The following PBRM1 variants were observed in gnomAD, a reference collection of about 807,000 sequenced individuals.
PBRM1 encodes protein polybromo-1.
Under a neutral mutation model 194.5 loss-of-function variants are expected in PBRM1, and 27 were observed. That is an observed-to-expected ratio of 0.14 (90% CI 0.10 to 0.19). PBRM1 has a LOEUF of 0.19. PBRM1 is among the 10% of genes least tolerant of loss of function. PBRM1 has a pLI of 1.00. For synonymous variants in PBRM1, 655 were observed against 693.2 expected (o/e 0.94, Z 0.87); for missense variants, 1,466 against 2,077.2 (o/e 0.71, Z 5.72).
chr3:52,609,235 C>T lies in PBRM1; in HGVS notation c.2567+78G>A. On this transcript the variant is annotated intron_variant, in intron 16 of 29. Coordinates refer to ENST00000296302, the Ensembl canonical transcript of PBRM1. The surrounding 1 kb of genome is among the most constrained non-coding windows in gnomAD (Gnocchi z 4.1). Reference sequence around the variant, plus strand: ...ATCATGTATGTAAGTGGAAATAGTACATCAAAGCAATATTCTTTCATCTGT... The same window carrying T: ...ATCATGTATGTAAGTGGAAATAGTATATCAAAGCAATATTCTTTCATCTGT... 4 of 1,135,898 alleles carry T rather than the reference C, an allele frequency of 3.5e-6. No individual in the cohort carries two copies. The highest frequency in any genetic ancestry group is 3.8e-6 in the Non-Finnish European group (3 of 782,570). The allele number at this position is 1,135,898 out of a possible 1,614,324, so 70.4% of individuals were successfully genotyped here.
At chr3:52,587,896 A>G (rs1291432959) in intron 18 of PBRM1, among the ~76,000 whole-genome samples, 1 of 150,942 alleles carries the variant, frequency 6.6e-6, no homozygotes, top group Non-Finnish European at 1.5e-5. Flanking sequence ...CCCCCCTCAT[A>G]TATATATATA....
chr3:52,563,616 G>C, intron 23 of PBRM1, 123 bp from the exon 26 acceptor site: 5 of 658,624 alleles, frequency 7.6e-6, no homozygotes, highest in Non-Finnish European at 1.3e-5. Flanking sequence ...TGCTCTAAAG[G>C]CAGCATGGAA....
At chr3:52,610,219 A>G (rs2094538604) in intron 15 of PBRM1, among the ~76,000 whole-genome samples, 1 of 152,238 alleles carries the variant, frequency 6.6e-6, no homozygotes, top group South Asian at 2.1e-4. Context: ...TAGCTATGTG[A>G]CATTCTATCA....
At chr3:52,588,965 G>T (rs760502768) in intron 18 of PBRM1, 105 bp downstream of exon 20, 1 of 745,986 alleles carries the variant, frequency 1.3e-6, no homozygotes, top group Non-Finnish European at 2.3e-6. Flanking sequence ...CAATTATTAT[G>T]GAAAGGCTTA....
At chr3:52,639,193 C>T (rs2095965315) in intron 10 of PBRM1, among the ~76,000 whole-genome samples, 1 of 152,052 alleles carries the variant, frequency 6.6e-6, no homozygotes, top group African/African-American at 2.4e-5. Flanking sequence ...CCAGGATGGT[C>T]TCGAACTCCC....
chr3:52,619,514 A>C (rs1022296430), intron 13 of PBRM1, among the ~76,000 whole-genome samples: 5 of 152,306 alleles, frequency 3.3e-5, no homozygotes, highest in African/African-American at 1.2e-4. Context: ...TTTTTTTTCT[A>C]TCCATAGTTG....
intron 13 of PBRM1, among the ~76,000 whole-genome samples, chr3:52,622,237 C>T (rs142917504): frequency 0.039 from 5,987 of 151,902 alleles, 398 homozygotes; most frequent in African/African-American, 0.13. Context: ...ACTTAGGAGG[C>T]TGAGGTAGGG....
Position 52,609,176 on chromosome 3 carries a change from AT to A in PBRM1, c.2567+136del. On this transcript the variant is annotated intron_variant, in intron 16 of 29. Transcript: ENST00000296302. The surrounding 1 kb of genome is among the most constrained non-coding windows in gnomAD (Gnocchi z 4.1). ...ACTCACTCTTAAGAAGTTCTGGCTGATTAGAATTCAGAATAGCATGCTACCA... is the reference window on the plus strand; with the variant it reads ...ACTCACTCTTAAGAAGTTCTGGCTGATAGAATTCAGAATAGCATGCTACCA... 1.4e-6 allele frequency: 1 copy of A among 697,444 alleles called. No individual in the cohort carries two copies. Among genetic ancestry groups the A allele is most frequent in the African/African-American group, 1.8e-5 (1 of 55,680 alleles). The allele number at this position is 697,444 out of a possible 1,614,324, so 43.2% of individuals were successfully genotyped here. A position where few individuals can be genotyped will look rare whatever the true frequency, so the allele number is the denominator to read the frequency against.
At chr3:52,591,809 C>T (rs541098548) in intron 17 of PBRM1, among the ~76,000 whole-genome samples, 9 of 142,280 alleles carry the variant, frequency 6.3e-5, no homozygotes, top group Non-Finnish European at 9.1e-5. Flanking sequence ...TCAGCCACTG[C>T]GCCCGGCCTT....
At chr3:52,630,444 C>T (rs1033600573) in intron 11 of PBRM1, among the ~76,000 whole-genome samples, 2 of 152,182 alleles carry the variant, frequency 1.3e-5, no homozygotes, top group African/African-American at 4.8e-5. Context: ...ATTCCTTAAT[C>T]ACACTAGCCA....
intron 3 of PBRM1, among the ~76,000 whole-genome samples, chr3:52,663,763 A>T (rs750334779): frequency 1.3e-5 from 2 of 152,230 alleles, no homozygotes; most frequent in Non-Finnish European, 2.9e-5. Flanking sequence ...AAAATGTTTA[A>T]AAGTTGGGCA....
intron 3 of PBRM1, among the ~76,000 whole-genome samples, chr3:52,666,300 T>C (rs888894910): frequency 8.6e-5 from 13 of 151,968 alleles, no homozygotes; most frequent in Non-Finnish European, 1.8e-4. Flanking sequence ...CTAGCACTTT[T>C]GGGAGGCCGA....
chr3:52,597,806 C>CA (rs1039785238), intron 17 of PBRM1, among the ~76,000 whole-genome samples: 6 of 152,048 alleles, frequency 3.9e-5, no homozygotes, highest in Non-Finnish European at 8.8e-5. Flanking sequence ...CAGGTTCAAG[C>CA]AATTCTCTTG....
upstream of PBRM1, among the ~76,000 whole-genome samples, chr3:52,682,817 A>G (rs1440490844): frequency 6.6e-6 from 1 of 152,190 alleles, no homozygotes; most frequent in Non-Finnish European, 1.5e-5. Context: ...CTGTAATCCC[A>G]GCACTTTGGA....
At chr3:52,668,163 G>C (rs1269555571) in intron 3 of PBRM1, among the ~76,000 whole-genome samples, 2 of 152,150 alleles carry the variant, frequency 1.3e-5, no homozygotes, top group Non-Finnish European at 2.9e-5. Flanking sequence ...TGGGCATGGT[G>C]GCACGTGCCT....
intron 6 of PBRM1, among the ~76,000 whole-genome samples, chr3:52,651,193 G>A (rs2096483083): frequency 6.6e-6 from 1 of 152,220 alleles, no homozygotes. Context: ...GCAAGTCTAT[G>A]TGAGTGTTTA....
At chr3:52,667,094 T>G (rs1479142127) in intron 3 of PBRM1, among the ~76,000 whole-genome samples, 1 of 151,930 alleles carries the variant, frequency 6.6e-6, no homozygotes, top group Non-Finnish European at 1.5e-5. Context: ...GATTCCTACC[T>G]TATAAAAGAC....
rs372814552 is a variant in PBRM1, at chr3:52,548,429, AT to A, written c.4898-195del. Among the ~76,000 whole-genome samples, 392 of 145,174 alleles carry A rather than the reference AT, an allele frequency of 2.7e-3. No individual in the cohort carries two copies. Among genetic ancestry groups the A allele is most frequent in the Middle Eastern group, 3.6e-3 (1 of 280 alleles). On this transcript the variant is annotated intron_variant, in intron 29 of 29. Coordinates refer to ENST00000296302, the Ensembl canonical transcript of PBRM1. ...TAGGCACTAAAAGATTTGATCATAA[AT>A]TTTTTTTTTTTTTTGACATCGAGTC...
intron 3 of PBRM1, among the ~76,000 whole-genome samples, chr3:52,666,787 GAGGCTA>G (rs1319041840): frequency 6.6e-6 from 1 of 151,118 alleles, no homozygotes; most frequent in Non-Finnish European, 1.5e-5. Flanking sequence ...AGCTAATCAG[GAGGCTA>G]AGGTGGGAAG....
Sources: gnomAD v4.1 joint callset for allele counts (sites outside exome capture counted in the v4.1 genomes callset) on GRCh38, gnomAD v4.1.1 for gene constraint, Gnocchi (gnomAD v3.1) non-coding constraint, MANE v1.5 for transcripts, NCBI Gene and HGNC (gene_info 2026-07-23, HGNC 2026-07-21) for gene names.